RBFOX1: variants seen among roughly 807,000 people sequenced by gnomAD.
The protein encoded by RBFOX1 is RNA binding protein fox-1 homolog 1.
Under a neutral mutation model 57.7 loss-of-function variants are expected in RBFOX1, and 8 were observed. The ratio of observed to expected loss-of-function variants is 0.14; its 90% CI spans 0.08 to 0.25. RBFOX1 has a LOEUF of 0.25. Among genes scored for constraint, RBFOX1 ranks in the 10% least tolerant of loss-of-function variants. The pLI is 1.00. For missense variants in RBFOX1, 611 were observed against 548.5 expected (o/e 1.11, Z -1.14); for synonymous variants, 326 against 222.4 (o/e 1.47, Z -4.15).
intron 1 of RBFOX1, among the ~76,000 whole-genome samples, chr16:6,117,733 C>G (rs944445295): frequency 2.0e-5 from 3 of 152,242 alleles, no homozygotes; most frequent in African/African-American, 7.2e-5. Flanking sequence ...ATTGCCCATT[C>G]TCAGTTATTT....
intron 3 of RBFOX1, among the ~76,000 whole-genome samples, chr16:6,849,501 C>G (rs1477234606): frequency 1.3e-5 from 2 of 152,108 alleles, no homozygotes; most frequent in East Asian, 1.9e-4. Context: ...AACCCTATCT[C>G]TACTAAACAA....
chr16:7,603,493 A>T (rs1050922049), intron 9 of RBFOX1, among the ~76,000 whole-genome samples: 2 of 152,134 alleles, frequency 1.3e-5, no homozygotes, highest in Admixed American at 1.3e-4. Context: ...TAAAACTGGG[A>T]ATGGAATCAT....
At chr16:5,372,306 C>T (rs1217559971) in intron 1 of RBFOX1, among the ~76,000 whole-genome samples, 1 of 152,162 alleles carries the variant, frequency 6.6e-6, no homozygotes, top group Non-Finnish European at 1.5e-5. Flanking sequence ...TGGGTGAACT[C>T]AGTGAAACCC....
intron 1 of RBFOX1, among the ~76,000 whole-genome samples, chr16:5,333,249 C>A (rs1197997866): frequency 6.6e-6 from 1 of 152,144 alleles, no homozygotes; most frequent in Non-Finnish European, 1.5e-5. Context: ...AATGCAGGGG[C>A]TGACAAACCA....
chr16:5,543,466 C>G (rs763345748), intron 2 of RBFOX1, among the ~76,000 whole-genome samples: 1 of 152,056 alleles, frequency 6.6e-6, no homozygotes, highest in Non-Finnish European at 1.5e-5. Context: ...GATGACATAG[C>G]AACAGAAACT....
chr16:5,407,629 A>G (rs574155464), intron 1 of RBFOX1, among the ~76,000 whole-genome samples: 1 of 152,150 alleles, frequency 6.6e-6, no homozygotes, highest in African/African-American at 2.4e-5. Flanking sequence ...GCTTACTGCA[A>G]CCTCTGGCTC....
intron 4 of RBFOX1, among the ~76,000 whole-genome samples, chr16:7,492,658 G>T (rs1203643254): frequency 6.6e-6 from 1 of 152,204 alleles, no homozygotes; most frequent in African/African-American, 2.4e-5. Flanking sequence ...ATTGGACCAT[G>T]AAGGCAGATT....
At chr16:7,357,678 C>T (rs796165583) in intron 4 of RBFOX1, among the ~76,000 whole-genome samples, 8 of 152,308 alleles carry the variant, frequency 5.3e-5, no homozygotes, top group African/African-American at 1.7e-4. Flanking sequence ...TATTCAGTCT[C>T]GGTTGCAATG....
At chr16:6,543,893 A>G (rs2096858462) in intron 2 of RBFOX1, among the ~76,000 whole-genome samples, 1 of 152,182 alleles carries the variant, frequency 6.6e-6, no homozygotes, top group Admixed American at 6.5e-5. Flanking sequence ...GAAGGATAAC[A>G]CGAGATAGAA....
chr16:5,373,981 G>T (rs1486947976), intron 1 of RBFOX1, among the ~76,000 whole-genome samples: 2 of 152,276 alleles, frequency 1.3e-5, no homozygotes, highest in African/African-American at 4.8e-5. Flanking sequence ...GCAATGGTGC[G>T]ATCTCGGCTC....
chr16:6,984,057 G>C (rs1267782085), intron 3 of RBFOX1, among the ~76,000 whole-genome samples: 1 of 152,142 alleles, frequency 6.6e-6, no homozygotes, highest in Non-Finnish European at 1.5e-5. Flanking sequence ...AGACCTGTCT[G>C]ATCAACATGG....
In RBFOX1 at chr16:6,475,146, G is replaced by A. The variant is rs541261816; in HGVS notation, c.-64+158089G>A. On this transcript the variant is annotated intron_variant, in intron 2 of 15. Coordinates refer to ENST00000550418, the MANE Select transcript of RBFOX1 (RefSeq NM_018723.4). ...ATAGTACTTGGAGCTCTCTTTGGGT[G>A]GTGAAATAATGTTAGCTTTTCTGGT... 9.9e-5 allele frequency among the ~76,000 whole-genome samples: 15 copies of A among 152,204 alleles called. No individual in the cohort carries two copies. The East Asian group carries it at 2.3e-3, about 23-fold the overall frequency.
intron 4 of RBFOX1, among the ~76,000 whole-genome samples, chr16:5,891,448 G>C (rs1238554794): frequency 6.6e-6 from 1 of 152,200 alleles, no homozygotes; most frequent in Admixed American, 6.5e-5. Context: ...AACTTTGGTT[G>C]CCATGGAAGC....
intron 3 of RBFOX1, among the ~76,000 whole-genome samples, chr16:5,663,056 A>G (rs191535606): frequency 6.6e-6 from 1 of 152,136 alleles, no homozygotes; most frequent in African/African-American, 2.4e-5. Context: ...TGATTGTCAC[A>G]TCTGGGGCAG....
chr16:6,943,469 G>T (rs756648520), intron 3 of RBFOX1, among the ~76,000 whole-genome samples: 1 of 152,150 alleles, frequency 6.6e-6, no homozygotes, highest in Non-Finnish European at 1.5e-5. Context: ...AGTACTTTGG[G>T]AGTCTGAGGC....
intron 2 of RBFOX1, among the ~76,000 whole-genome samples, chr16:6,575,051 A>G (rs1226052259): frequency 2.0e-4 from 30 of 151,206 alleles, no homozygotes; most frequent in Middle Eastern, 3.4e-3. Flanking sequence ...TAAAAAAAAA[A>G]AAAAAAAAAA....
intron 4 of RBFOX1, among the ~76,000 whole-genome samples, chr16:7,181,843 G>C (rs1040708120): frequency 1.1e-4 from 16 of 152,084 alleles, no homozygotes; most frequent in African/African-American, 3.9e-4. Context: ...TTAAAGGTGT[G>C]AGACACCATA....
chr16:6,077,816 A>C (rs1391114171), intron 1 of RBFOX1, among the ~76,000 whole-genome samples: 1 of 151,912 alleles, frequency 6.6e-6, no homozygotes, highest in East Asian at 1.9e-4. Flanking sequence ...TCCTGGCCTC[A>C]AGTGACCTCC....
chr16:6,848,746 A>C (rs2093903171), intron 3 of RBFOX1, among the ~76,000 whole-genome samples: 1 of 152,154 alleles, frequency 6.6e-6, no homozygotes, highest in African/African-American at 2.4e-5. Context: ...AACATATGAC[A>C]AGTCACATTG....
Sources: gnomAD v4.1 joint callset for allele counts (sites outside exome capture counted in the v4.1 genomes callset) on GRCh38, gnomAD v4.1.1 for gene constraint, MANE v1.5 for transcripts, NCBI Gene and HGNC (gene_info 2026-07-23, HGNC 2026-07-21) for gene names.